The following PRKN variants were observed in gnomAD, a reference collection of about 807,000 sequenced individuals.
PRKN encodes the protein E3 ubiquitin-protein ligase parkin.
A neutral mutation model predicts 59.5 loss-of-function variants in PRKN; 56 were observed. The ratio of observed to expected loss-of-function variants is 0.94; its 90% CI spans 0.76 to 1.18. The LOEUF is 1.18. Among genes scored for constraint, PRKN ranks in the 50% most tolerant of loss-of-function variants. PRKN has a pLI of 0.00. For synonymous variants in PRKN, 250 were observed against 222.1 expected (o/e 1.13, Z -1.12); for missense variants, 657 against 596.4 (o/e 1.10, Z -1.06).
intron 2 of PRKN, among the ~76,000 whole-genome samples, chr6:162,378,139 T>G (rs1786224032): frequency 6.6e-6 from 1 of 152,212 alleles, no homozygotes; most frequent in African/African-American, 2.4e-5. Context: ...AGACCATCTA[T>G]CTGGAGTTCT....
chr6:162,101,398 G>T (rs1187020251), intron 4 of PRKN, among the ~76,000 whole-genome samples: 2 of 151,816 alleles, frequency 1.3e-5, no homozygotes, highest in African/African-American at 2.4e-5. Flanking sequence ...GCCAGGCGCG[G>T]TGGCTCACGC....
At chr6:162,300,265 TA>T (rs35823567) in intron 2 of PRKN, among the ~76,000 whole-genome samples, 20,183 of 148,542 alleles carry the variant, frequency 0.14, 2,091 homozygotes, top group African/African-American at 0.29. Context: ...TCTTCTTCTT[TA>T]AAAAAAAAAA....
intron 2 of PRKN, among the ~76,000 whole-genome samples, chr6:162,440,537 T>C (rs1790002399): frequency 6.6e-6 from 1 of 152,152 alleles, no homozygotes; most frequent in Non-Finnish European, 1.5e-5. Context: ...TGTCCTGGAA[T>C]AATTATTGAC....
At chr6:162,141,153 A>AAT (rs1781762976) in intron 4 of PRKN, among the ~76,000 whole-genome samples, 1 of 145,866 alleles carries the variant, frequency 6.9e-6, no homozygotes, top group Non-Finnish European at 1.5e-5. Flanking sequence ...TAAATAAATA[A>AAT]AAATAAAAAT....
intron 1 of PRKN, among the ~76,000 whole-genome samples, chr6:162,476,236 T>G (rs1369785800): frequency 2.0e-5 from 3 of 151,892 alleles, no homozygotes; most frequent in Admixed American, 2.0e-4. Flanking sequence ...TTTTATTTAT[T>G]TATTTATGTA....
chr6:162,296,191 C>T (rs1481602460), intron 2 of PRKN, among the ~76,000 whole-genome samples: 1 of 151,730 alleles, frequency 6.6e-6, no homozygotes, highest in Non-Finnish European at 1.5e-5. Context: ...CCCACAGTCG[C>T]CTTAAAACAG....
rs562205325 is a variant in PRKN at position 161,353,635 on chromosome 6, A to G, written c.1286-3424T>C. On this transcript the variant is annotated intron_variant, in intron 11 of 11. Transcript: ENST00000366898. This position sits in a 1 kb window ranked among gnomAD's most constrained non-coding sequence, Gnocchi z 4.8. ...TCTCTTCATCTGTATCTTTTGTAAT[A>G]TCCTTTATAATAAACTGGTAAATGT... Among the ~76,000 whole-genome samples, 8 of 152,296 alleles carry G rather than the reference A, an allele frequency of 5.3e-5. No individual in the cohort carries two copies. The highest frequency in any genetic ancestry group is 1.7e-4 in the African/African-American group (7 of 41,564).
rs917560632 is a variant in PRKN at position 161,396,794 on chromosome 6, G to A, written c.1084-9917C>T. ...TCTAGCACAGCAGGGGAGGCGAAAT[G>A]CTTTCCCTGAATACCTGGGCCCGCC... On this transcript the variant is annotated intron_variant, in intron 9 of 11. Coordinates refer to ENST00000366898, the MANE Select transcript of PRKN (RefSeq NM_004562.3). The surrounding 1 kb of genome is among the most constrained non-coding windows in gnomAD (Gnocchi z 5.4). 1.3e-5 allele frequency among the ~76,000 whole-genome samples: 2 copies of A among 152,204 alleles called. No homozygotes were observed. The highest frequency in any genetic ancestry group is 6.5e-5 in the Admixed American group (1 of 15,286).
intron 2 of PRKN, chr6:162,271,426 C>T (rs1054645683): frequency 3.3e-5 from 5 of 151,892 alleles, no homozygotes; most frequent in African/African-American, 1.2e-4. Flanking sequence ...GCCTGTAATC[C>T]TGGCTACTTG....
chr6:161,457,027 C>T lies in PRKN; in HGVS notation c.1084-70150G>A, dbSNP rs117655655. On this transcript the variant is annotated intron_variant, in intron 9 of 11. Transcript: ENST00000366898. This position sits in a 1 kb window ranked among gnomAD's most constrained non-coding sequence, Gnocchi z 5.0. ...GGACCTGGGTTTGGGCGTGGAAGGG[C>T]GGTGTGAGAGCAAGGCTGAATAGTC... 2.4e-3 allele frequency among the ~76,000 whole-genome samples: 369 copies of T among 152,278 alleles called. No homozygotes were observed. The highest frequency in any genetic ancestry group is 4.6e-3 in the Non-Finnish European group (310 of 68,030).
chr6:161,386,758 A>C lies in PRKN; in HGVS notation c.1167+36T>G. On this transcript the variant is annotated intron_variant, in intron 10 of 11. Coordinates refer to ENST00000366898, the MANE Select transcript of PRKN (RefSeq NM_004562.3). This position sits in a 1 kb window ranked among gnomAD's most constrained non-coding sequence, Gnocchi z 4.3. ...GGCTCCAGTCCCCCACTGTATCCGGAGCCCTGCTTGGAGGAATGAGTAGGG... is the reference window on the plus strand; with the variant it reads ...GGCTCCAGTCCCCCACTGTATCCGGCGCCCTGCTTGGAGGAATGAGTAGGG... 1 of 1,493,564 alleles carries C rather than the reference A, an allele frequency of 6.7e-7. No individual in the cohort carries two copies. The highest frequency in any genetic ancestry group is 9.3e-7 in the Non-Finnish European group (1 of 1,070,250). 92.5% of individuals were successfully genotyped at this position (1,493,564 alleles called of 1,614,324 possible).
intron 1 of PRKN, chr6:162,568,804 T>A: frequency 1.4e-6 from 1 of 734,098 alleles, no homozygotes; most frequent in Non-Finnish European, 2.5e-6. Context: ...GAGGCAGAGC[T>A]TGGCAACATG....
At chr6:162,237,822 A>G (rs1778806180) in intron 3 of PRKN, among the ~76,000 whole-genome samples, 1 of 151,906 alleles carries the variant, frequency 6.6e-6, no homozygotes, top group South Asian at 2.1e-4. Flanking sequence ...AGGAGGGTGC[A>G]TTTCATTATC....
chr6:162,095,258 G>T (rs1285089199), intron 4 of PRKN, among the ~76,000 whole-genome samples: 1 of 151,978 alleles, frequency 6.6e-6, no homozygotes. Context: ...TACAGAGATA[G>T]GTTAGTCCTC....
At chr6:162,677,694 C>T (rs566045682) in intron 1 of PRKN, among the ~76,000 whole-genome samples, 218 of 152,232 alleles carry the variant, frequency 1.4e-3, no homozygotes, top group Middle Eastern at 3.4e-3. Context: ...AATTGTCAAG[C>T]TGACCCACGT....
intron 6 of PRKN, among the ~76,000 whole-genome samples, chr6:161,815,773 A>G (rs1791751536): frequency 6.6e-6 from 1 of 152,146 alleles, no homozygotes; most frequent in Non-Finnish European, 1.5e-5. Flanking sequence ...GTCTGTGTGT[A>G]GGGGGAAGAC....
intron 6 of PRKN, among the ~76,000 whole-genome samples, chr6:161,888,831 C>T (rs1447431124): frequency 6.6e-6 from 1 of 152,114 alleles, no homozygotes; most frequent in East Asian, 1.9e-4. Flanking sequence ...GTCCTTAGCT[C>T]CCTCCTTGCC....
chr6:161,426,356 A>T (rs1263195565), intron 9 of PRKN, among the ~76,000 whole-genome samples: 1 of 152,140 alleles, frequency 6.6e-6, no homozygotes, highest in Non-Finnish European at 1.5e-5. Flanking sequence ...CATTTGAGTC[A>T]GTGGGCTGGG....
rs1181518051 is a variant in PRKN at position 161,561,715 on chromosome 6, T to C, written c.933+7640A>G. On this transcript the variant is annotated intron_variant, in intron 8 of 11. Coordinates refer to ENST00000366898, the MANE Select transcript of PRKN (RefSeq NM_004562.3). The surrounding 1 kb of genome is among the most constrained non-coding windows in gnomAD (Gnocchi z 5.0). The stretch of plus-strand genomic sequence containing the variant: ...CTTCTTCAGTTCTTGGATCTCTCTC[T>C]CAAATTACCGGTAATTCATCTCTGT... Among the ~76,000 whole-genome samples the C allele has an allele frequency of 2.0e-5, 3 of 152,112 alleles. No homozygotes were observed. Among genetic ancestry groups the C allele is most frequent in the Non-Finnish European group, 4.4e-5 (3 of 68,016 alleles).
Sources: allele counts gnomAD v4.1 joint callset (sites outside exome capture counted in the v4.1 genomes callset), GRCh38; gene constraint gnomAD v4.1.1; non-coding constraint Gnocchi (gnomAD v3.1); transcripts MANE v1.5; gene names NCBI Gene and HGNC (gene_info 2026-07-23, HGNC 2026-07-21).